Variants in IL17RD observed in about 807,000 individuals in gnomAD.
IL17RD encodes interleukin 17 receptor D, also known as interleukin-17 receptor D.
Under a neutral mutation model 80.5 loss-of-function variants are expected in IL17RD, and 52 were observed. That is an observed-to-expected ratio of 0.65 (90% CI 0.52 to 0.81). IL17RD has a LOEUF of 0.81. Among genes scored for constraint, IL17RD ranks in the 40% least tolerant of loss-of-function variants. The probability of loss-of-function intolerance (pLI) is 0.00; values close to 1 mark genes in which losing one functional copy is unlikely to be tolerated. For synonymous variants in IL17RD, 416 were observed against 391.8 expected (o/e 1.06, Z -0.73); for missense variants, 1,024 against 955.1 (o/e 1.07, Z -0.95).
At chr3:57,105,552 A>AAAAATATATAT in intron 7 of IL17RD, among the ~76,000 whole-genome samples, 31 of 63,586 alleles carry the variant, frequency 4.9e-4, no homozygotes, top group African/African-American at 2.8e-3. Flanking sequence ...AAAAAAAAAA[A>AAAAATATATAT]ATATATATAT....
At chr3:57,164,830 G>A (rs2060334797) in intron 1 of IL17RD, 1 of 972,810 alleles carries the variant, frequency 1.0e-6, no homozygotes, top group African/African-American at 1.8e-5. Context: ...TGGGACGAAG[G>A]AGGTCCCGGG....
Position 57,105,552 on chromosome 3 carries a change from A to AAAAAAAAAATATAT in IL17RD, c.747+304_747+305insATATATTTTTTTTT. Among the ~76,000 whole-genome samples the AAAAAAAAAATATAT allele has an allele frequency of 6.9e-3, 439 of 63,456 alleles. 14 individuals carry two copies. Among genetic ancestry groups the AAAAAAAAAATATAT allele is most frequent in the South Asian group, 0.013 (21 of 1,616 alleles). The allele number at this position is 63,456 out of a possible 152,430, so 41.6% of individuals were successfully genotyped here. On this transcript the variant is annotated intron_variant, in intron 7 of 12. Transcript: ENST00000296318. ...ACTCCATCTCAAAAAAAAAAAAAAAAATATATATATATATATATTTGTTCA... is the reference window on the plus strand; with the variant it reads ...ACTCCATCTCAAAAAAAAAAAAAAAAAAAAAAAAATATATATATATATATATATATATTTGTTCA...
intron 5 of IL17RD, among the ~76,000 whole-genome samples, chr3:57,108,534 T>TTTTTTGG (rs1707017703): frequency 1.4e-5 from 2 of 142,280 alleles, no homozygotes; most frequent in African/African-American, 5.3e-5. Context: ...TTTTTTTTTT[T>TTTTTTGG]AGATGGAGGT....
At chr3:57,111,937 G>A (rs929976467) in intron 3 of IL17RD, among the ~76,000 whole-genome samples, 3 of 151,340 alleles carry the variant, frequency 2.0e-5, no homozygotes, top group Non-Finnish European at 2.9e-5. Flanking sequence ...ACTCCAGCCT[G>A]GGCGACAGAG....
intron 1 of IL17RD, among the ~76,000 whole-genome samples, chr3:57,152,621 T>A (rs1010986890): frequency 5.3e-5 from 8 of 152,226 alleles, no homozygotes; most frequent in African/African-American, 9.6e-5. Flanking sequence ...ACATTTTAAC[T>A]TACTTTGAAA....
upstream of IL17RD, among the ~76,000 whole-genome samples, chr3:57,168,984 C>T (rs1272512736): frequency 2.0e-5 from 3 of 152,254 alleles, no homozygotes; most frequent in East Asian, 5.8e-4. Flanking sequence ...TTCCAAAATG[C>T]TGGGATTAAA....
rs1357394217 is a variant in IL17RD, at chr3:57,141,247, A to G, written c.127-20934T>C. Among the ~76,000 whole-genome samples the G allele has an allele frequency of 3.3e-5, 5 of 152,298 alleles. No homozygotes were observed. The South Asian group carries it at 8.3e-4, about 25-fold the overall frequency. On this transcript the variant is annotated intron_variant, in intron 1 of 12. Coordinates refer to ENST00000296318, the MANE Select transcript of IL17RD (RefSeq NM_017563.5). Reference sequence around the variant, plus strand: ...AGTATGCTGATGTTTTCCTGACAATATAACTTTAATTAAAAAACATAATTT... The same window carrying G: ...AGTATGCTGATGTTTTCCTGACAATGTAACTTTAATTAAAAAACATAATTT...
At chr3:57,163,362 G>A (rs530923864) in intron 1 of IL17RD, among the ~76,000 whole-genome samples, 1 of 152,130 alleles carries the variant, frequency 6.6e-6, no homozygotes, top group Non-Finnish European at 1.5e-5. Flanking sequence ...CATTTTATGA[G>A]GGTGCAGGTT....
chr3:57,124,645 C>G (rs1707411821), intron 1 of IL17RD, among the ~76,000 whole-genome samples: 1 of 152,114 alleles, frequency 6.6e-6, no homozygotes, highest in Admixed American at 6.5e-5. Context: ...TGATTTTGGC[C>G]ACATTAAGAT....
intron 7 of IL17RD, among the ~76,000 whole-genome samples, chr3:57,105,064 C>G (rs1350671355): frequency 6.6e-6 from 1 of 152,190 alleles, no homozygotes; most frequent in East Asian, 1.9e-4. Flanking sequence ...GCTCCTAGAT[C>G]TGATTTTTCC....
At chr3:57,154,014 G>T (rs186763559) in intron 1 of IL17RD, among the ~76,000 whole-genome samples, 1 of 151,904 alleles carries the variant, frequency 6.6e-6, no homozygotes, top group African/African-American at 2.4e-5. Flanking sequence ...GCGAGGCCAA[G>T]GCAGGAGGAC....
At chr3:57,166,630 G>T (rs771463721), upstream of IL17RD, among the ~76,000 whole-genome samples, 1 of 152,110 alleles carries the variant, frequency 6.6e-6, no homozygotes, top group Admixed American at 6.5e-5. Flanking sequence ...AAATAAAACT[G>T]TTCTATGGTG....
chr3:57,155,238 G>A (rs192234976), intron 1 of IL17RD, among the ~76,000 whole-genome samples: 35 of 152,376 alleles, frequency 2.3e-4, no homozygotes, highest in Admixed American at 1.6e-3. Flanking sequence ...CTGCCAGGGA[G>A]TGAGATTTGT....
rs764685646 is a variant in IL17RD, at chr3:57,098,266, G to C, written c.1437C>G (p.Tyr479Ter). 7 of 1,613,838 alleles carry C rather than the reference G, an allele frequency of 4.3e-6. No individual in the cohort carries two copies. The highest frequency in any genetic ancestry group is 5.9e-6 in the Non-Finnish European group (7 of 1,179,864). Reference sequence around the variant, plus strand: ...CGTCTCCCTCGCAGGAATAATCAAAGTAGACGGCGATAAACTTGCTGAGCG... The same window carrying C: ...CGTCTCCCTCGCAGGAATAATCAAACTAGACGGCGATAAACTTGCTGAGCG... ...SAALSKFIAVYFDYSCEGDVP... is the reference protein window; with the variant it reads ...SAALSKFIAV Residue 479 changes from tyrosine (Y) to a stop codon, truncating the protein, a stop_gained, in exon 12 of 13, where the codon TAC (tyrosine) becomes TAG (stop). Transcript: ENST00000296318. LOFTEE classifies it high-confidence loss of function.
rs750479903 is a variant in IL17RD, at chr3:57,102,579, C to G, written c.879G>C (p.Pro293=). The G allele has an allele frequency of 6.5e-7, 1 of 1,543,116 alleles. No individual in the cohort carries two copies. The highest frequency in any genetic ancestry group is 8.9e-7 in the Non-Finnish European group (1 of 1,127,044). Reference sequence around the variant, plus strand: ...CCACGGCTCTGATGGGCCCGGCCCACGGGGAGTGCACTGGGAAATTTCAAA... The same window carrying G: ...CCACGGCTCTGATGGGCCCGGCCCAGGGGGAGTGCACTGGGAAATTTCAAA... The part of the protein sequence containing the change: ...MHYALKPVHS[P]WAGPIRAVAI... Residue 293 remains proline, a synonymous_variant, in exon 10 of 13, where the codon CCG becomes CCC. Coordinates refer to ENST00000296318, the MANE Select transcript of IL17RD (RefSeq NM_017563.5).
At chr3:57,103,840 G>A (rs1313152204) in intron 8 of IL17RD, among the ~76,000 whole-genome samples, 1 of 152,008 alleles carries the variant, frequency 6.6e-6, no homozygotes, top group Non-Finnish European at 1.5e-5. Flanking sequence ...GAGTAGCTGG[G>A]ATTACAGGCG....
At chr3:57,113,905 G>C (rs1385525487) in intron 3 of IL17RD, among the ~76,000 whole-genome samples, 3 of 151,890 alleles carry the variant, frequency 2.0e-5, no homozygotes, top group Non-Finnish European at 4.4e-5. Context: ...AAAAATTAAA[G>C]CTGGGCGCAG....
chr3:57,160,631 G>A (rs745809114), intron 1 of IL17RD, among the ~76,000 whole-genome samples: 1 of 151,938 alleles, frequency 6.6e-6, no homozygotes, highest in African/African-American at 2.4e-5. Flanking sequence ...CCCTTTTATC[G>A]GTCAGGGCTC....
chr3:57,126,406 T>A (rs1579289261), intron 1 of IL17RD, among the ~76,000 whole-genome samples: 1 of 152,142 alleles, frequency 6.6e-6, no homozygotes, highest in East Asian at 1.9e-4. Flanking sequence ...GGATAACCCT[T>A]AAGTGCTCTA....
Sources: gnomAD v4.1 joint callset for allele counts (sites outside exome capture counted in the v4.1 genomes callset) on GRCh38, gnomAD v4.1.1 for gene constraint, MANE v1.5 for transcripts, NCBI Gene and HGNC (gene_info 2026-07-23, HGNC 2026-07-21) for gene names.